ATF6: variants seen among roughly 807,000 people sequenced by gnomAD.
The protein encoded by ATF6 is cyclic AMP-dependent transcription factor ATF-6 alpha.
In ATF6, 53 loss-of-function variants were observed where a neutral mutation model predicts 83.6. That is an observed-to-expected ratio of 0.63 (90% CI 0.51 to 0.80). ATF6 has a LOEUF of 0.80. ATF6 is among the 30% of genes least tolerant of loss of function. The pLI, the probability that ATF6 is intolerant of heterozygous loss-of-function variation, is 0.00. For missense variants in ATF6, 744 were observed against 797.9 expected (o/e 0.93, Z 0.81); for synonymous variants, 288 against 285.8 (o/e 1.01, Z -0.08).
intron 15 of ATF6, among the ~76,000 whole-genome samples, chr1:161,952,063 C>G (rs1474941544): frequency 6.6e-6 from 1 of 152,150 alleles, no homozygotes; most frequent in East Asian, 1.9e-4. Flanking sequence ...TCCCAATTAT[C>G]TGATGGAACC....
chr1:161,773,259 G>A (rs1192399951), intron 1 of ATF6, among the ~76,000 whole-genome samples: 1 of 151,386 alleles, frequency 6.6e-6, no homozygotes, highest in African/African-American at 2.4e-5. Context: ...TCAGCCTTCC[G>A]AGTAGCTGGG....
chr1:161,794,779 C>G (rs1263957913), intron 6 of ATF6, among the ~76,000 whole-genome samples: 1 of 152,160 alleles, frequency 6.6e-6, no homozygotes, highest in African/African-American at 2.4e-5. Context: ...ACTTCTCAGT[C>G]CTCCATGTCC....
intron 10 of ATF6, among the ~76,000 whole-genome samples, chr1:161,851,372 G>A (rs184353633): frequency 1.8e-4 from 28 of 151,816 alleles, no homozygotes; most frequent in East Asian, 1.7e-3. Flanking sequence ...CTTGATTTTC[G>A]CCTCAATTAC....
At chr1:161,953,517 A>T (rs772503336) in intron 15 of ATF6, among the ~76,000 whole-genome samples, 13 of 152,198 alleles carry the variant, frequency 8.5e-5, no homozygotes, top group Non-Finnish European at 1.5e-4. Context: ...CCCTTATCAC[A>T]GTGAACAAAT....
At position 161,819,684 on chromosome 1, in the gene ATF6, T is replaced by C. The variant is rs763861861; in HGVS notation, c.961T>C (p.Cys321Arg). Residue 321 changes from cysteine (C) to arginine (R), a missense_variant, in exon 8 of 16, where the codon TGT becomes CGT. Physicochemically the swap from Cys to Arg is radical, Grantham distance 180 (BLOSUM62 -3). Coordinates refer to ENST00000367942, the MANE Select transcript of ATF6 (RefSeq NM_007348.4). Reference protein sequence around the residue: ...QRMIKNRESACQSRKKKKEYM... With the variant: ...QRMIKNRESARQSRKKKKEYM... ...TATGATAAAAAATCGAGAATCCGCT[T>C]GTCAGTCTCGCAAGAAGAAGAAAGA... 3 of 1,611,928 alleles carry C rather than the reference T, an allele frequency of 1.9e-6. No individual in the cohort carries two copies. The highest frequency in any genetic ancestry group is 1.7e-5 in the Admixed American group (1 of 59,670).
Position 161,778,303 on chromosome 1 carries a change from G to T in ATF6, c.142G>T (p.Ala48Ser). ...FTDTDELQLE[A>S]ANETYENNFD... ...AGACACTGATGAGCTGCAATTGGAA[G>T]CAGCAAATGAGACGTATGTAAGTAT... is the stretch of plus-strand genomic sequence containing the variant. Residue 48 changes from alanine to serine, a missense_variant, in exon 2 of 16, where the codon GCA becomes TCA. Ala to Ser is a moderately conservative substitution (Grantham distance 99). Coordinates refer to ENST00000367942, the MANE Select transcript of ATF6 (RefSeq NM_007348.4). 6.2e-7 allele frequency: 1 copy of T among 1,613,402 alleles called. No homozygotes were observed. Among genetic ancestry groups the T allele is most frequent in the Non-Finnish European group, 8.5e-7 (1 of 1,179,494 alleles).
chr1:161,813,774 C>G (rs1240861417), intron 7 of ATF6, among the ~76,000 whole-genome samples: 5 of 151,960 alleles, frequency 3.3e-5, no homozygotes, highest in African/African-American at 9.7e-5. Flanking sequence ...CCAATTAATT[C>G]ATTGCAATGC....
chr1:161,829,985 A>G (rs1395039260), intron 9 of ATF6, among the ~76,000 whole-genome samples: 1 of 152,210 alleles, frequency 6.6e-6, no homozygotes, highest in Non-Finnish European at 1.5e-5. Context: ...AATAAAGGGT[A>G]TTCAATTAGG....
chr1:161,791,086 CTGTGTGTGTGTGTGTGTCTCTGTGTG>C (rs1684866844), intron 4 of ATF6, among the ~76,000 whole-genome samples: 1 of 86,226 alleles, frequency 1.2e-5, no homozygotes, highest in African/African-American at 9.1e-5. Context: ...GTGTGTGTCT[CTGTGTGTGTGTGTGTGTCTCTGTGTG>C]TGTGTGTGTG....
chr1:161,958,687 G>A lies in ATF6; in HGVS notation c.*33G>A. On this transcript the variant is annotated 3_prime_UTR_variant, in exon 16 of 16. Transcript: ENST00000367942. ...CAGCTATGCTGGAAAACTGAGCGTG[G>A]GACCCTGCCAGACTGAAGAGCAGGT... 6.4e-7 allele frequency: 1 copy of A among 1,560,014 alleles called. No individual in the cohort carries two copies. Among genetic ancestry groups the A allele is most frequent in the East Asian group, 2.3e-5 (1 of 44,110 alleles).
At chr1:161,949,031 C>G (rs1011441761) in intron 15 of ATF6, among the ~76,000 whole-genome samples, 2 of 152,198 alleles carry the variant, frequency 1.3e-5, no homozygotes, top group African/African-American at 4.8e-5. Flanking sequence ...CCCATTCTCA[C>G]CCTTTTTTGG....
At chr1:161,826,290 T>A (rs968522554) in intron 9 of ATF6, among the ~76,000 whole-genome samples, 2 of 151,960 alleles carry the variant, frequency 1.3e-5, no homozygotes, top group African/African-American at 2.4e-5. Context: ...ACAAAAAAAA[T>A]TTTTTGAGTG....
At chr1:161,934,238 G>GT (rs1330599915) in intron 15 of ATF6, among the ~76,000 whole-genome samples, 3 of 152,090 alleles carry the variant, frequency 2.0e-5, no homozygotes, top group African/African-American at 4.8e-5. Context: ...CCGGTAAATT[G>GT]TTGCCACCTT....
At chr1:161,855,603 G>A (rs946246545) in intron 12 of ATF6, among the ~76,000 whole-genome samples, 2 of 152,114 alleles carry the variant, frequency 1.3e-5, no homozygotes, top group African/African-American at 4.8e-5. Context: ...ACAGAGTGAG[G>A]TACCAAGTTC....
chr1:161,899,311 T>G (rs995965216), intron 14 of ATF6, among the ~76,000 whole-genome samples: 1 of 152,226 alleles, frequency 6.6e-6, no homozygotes, highest in African/African-American at 2.4e-5. Context: ...GTACTGAATC[T>G]TTACACTCTA....
At chr1:161,897,453 A>G (rs1687698249) in intron 14 of ATF6, among the ~76,000 whole-genome samples, 1 of 152,150 alleles carries the variant, frequency 6.6e-6, no homozygotes, top group African/African-American at 2.4e-5. Context: ...TAAAATAAAT[A>G]AAAATATTCT....
chr1:161,791,106 CTGTG>C (rs565632055), intron 4 of ATF6, among the ~76,000 whole-genome samples: 39 of 120,754 alleles, frequency 3.2e-4, no homozygotes, highest in East Asian at 1.1e-3. Flanking sequence ...GTGTGTGTCT[CTGTG>C]TGTGTGTGTG....
intron 14 of ATF6, among the ~76,000 whole-genome samples, chr1:161,875,869 CAA>C (rs1464080988): frequency 1.3e-5 from 2 of 151,824 alleles, no homozygotes; most frequent in Non-Finnish European, 3.0e-5. Context: ...GACTTCTACT[CAA>C]GGGTCAAGAT....
At chr1:161,866,280 C>T (rs756779179) in intron 14 of ATF6, among the ~76,000 whole-genome samples, 4 of 152,138 alleles carry the variant, frequency 2.6e-5, no homozygotes, top group Admixed American at 6.5e-5. Flanking sequence ...TTGACTGTTT[C>T]GTACTGTTAT....
Sources: allele counts gnomAD v4.1 joint callset (sites outside exome capture counted in the v4.1 genomes callset), GRCh38; gene constraint gnomAD v4.1.1; transcripts MANE v1.5; gene names NCBI Gene and HGNC (gene_info 2026-07-23, HGNC 2026-07-21).